Variants in PCSK1 observed in about 807,000 individuals in gnomAD.
PCSK1 encodes proprotein convertase subtilisin/kexin type 1.
Under a neutral mutation model 90.6 loss-of-function variants are expected in PCSK1, and 56 were observed. The ratio of observed to expected loss-of-function variants is 0.62; its 90% CI spans 0.50 to 0.77. The LOEUF is 0.77. PCSK1 is among the 30% of genes least tolerant of loss of function. The probability of loss-of-function intolerance (pLI) is 0.00; values close to 1 mark genes in which losing one functional copy is unlikely to be tolerated. For missense variants in PCSK1, 801 were observed against 932.6 expected (o/e 0.86, Z 1.84); for synonymous variants, 348 against 342.4 (o/e 1.02, Z -0.18).
intron 5 of PCSK1, among the ~76,000 whole-genome samples, chr5:96,417,461 C>G (rs1244018750): frequency 2.0e-5 from 3 of 151,958 alleles, no homozygotes; most frequent in Admixed American, 6.6e-5. Context: ...TCCTCTCAGA[C>G]AACTTTCAAG....
intron 5 of PCSK1, among the ~76,000 whole-genome samples, chr5:96,418,241 C>T (rs960801747): frequency 2.0e-5 from 3 of 152,086 alleles, no homozygotes; most frequent in Non-Finnish European, 2.9e-5. Flanking sequence ...CTTTATAGGC[C>T]GCAGCTCTTT....
At chr5:96,412,764 T>TTG (rs1221205423) in intron 6 of PCSK1, among the ~76,000 whole-genome samples, 2 of 145,590 alleles carry the variant, frequency 1.4e-5, no homozygotes, top group African/African-American at 5.4e-5. Flanking sequence ...TTTTTTTTTT[T>TTG]TTTTTTTTTT....
intron 6 of PCSK1, among the ~76,000 whole-genome samples, chr5:96,413,171 C>T (rs1278902203): frequency 6.6e-6 from 1 of 152,186 alleles, no homozygotes; most frequent in Non-Finnish European, 1.5e-5. Context: ...AACATGCTTC[C>T]TATTCTTCTA....
chr5:96,412,731 C>CACTGTGTA (rs1218646812), intron 6 of PCSK1, among the ~76,000 whole-genome samples: 1 of 139,684 alleles, frequency 7.2e-6, no homozygotes, highest in African/African-American at 3.0e-5. Flanking sequence ...CAATACCATG[C>CACTGTGTA]ACTGTGTAGG....
intron 6 of PCSK1, among the ~76,000 whole-genome samples, chr5:96,413,963 C>CAAAAAAAAAAA (rs61316405): frequency 4.5e-5 from 1 of 22,436 alleles, no homozygotes; most frequent in Non-Finnish European, 1.3e-4. Context: ...ACTAAAAATA[C>CAAAAAAAAAAA]AAAAAAAAAA....
At chr5:96,397,836 C>A (rs1760212089) in intron 11 of PCSK1, among the ~76,000 whole-genome samples, 1 of 152,006 alleles carries the variant, frequency 6.6e-6, no homozygotes, top group South Asian at 2.1e-4. Flanking sequence ...ATGAAACTAT[C>A]ATTTCTGAAG....
chr5:96,402,015 A>T (rs540448143), intron 9 of PCSK1, among the ~76,000 whole-genome samples: 1 of 152,202 alleles, frequency 6.6e-6, no homozygotes, highest in Admixed American at 6.5e-5. Flanking sequence ...GCATTATGTA[A>T]TAAGTAGATG....
At position 96,423,439 on chromosome 5, in the gene PCSK1, T is replaced by C. The variant is rs2112440584; in HGVS notation, c.417A>G (p.Ala139=). Residue 139 remains alanine (A), a synonymous_variant, in exon 4 of 14, where the codon GCA becomes GCG. Transcript: ENST00000311106. The part of the protein sequence containing the change: ...QWYLQDTRMT[A]ALPKLDLHVI... ...CATGAAGGTCCAGCTTGGGCAGGGC[T>C]GCCGTCATCCTGGTATCTTGCTGGT... is the stretch of plus-strand genomic sequence containing the variant. 6.2e-7 allele frequency: 1 copy of C among 1,614,132 alleles called. No individual in the cohort carries two copies. Among genetic ancestry groups the C allele is most frequent in the East Asian group, 2.2e-5 (1 of 44,886 alleles).
chr5:96,425,337 C>T (rs531777052), intron 3 of PCSK1, among the ~76,000 whole-genome samples: 129 of 152,328 alleles, frequency 8.5e-4, no homozygotes, highest in African/African-American at 3.0e-3. Flanking sequence ...CAAGTCTAGA[C>T]ATTTGCAATA....
Position 96,410,862 on chromosome 5 carries a change from T to C in PCSK1, c.1007A>G (p.Gln336Arg). 6.2e-7 allele frequency: 1 copy of C among 1,614,116 alleles called. No homozygotes were observed. The highest frequency in any genetic ancestry group is 8.5e-7 in the Non-Finnish European group (1 of 1,179,964). ...AGCGTACCAGGGGGATAGGCCTTGCTGGGAGGCACTGCTGATGGAGATGGT... is the reference window on the plus strand; with the variant it reads ...AGCGTACCAGGGGGATAGGCCTTGCCGGGAGGCACTGCTGATGGAGATGGT... ...IYTISISSAS[Q>R]QGLSPWYAEK... The change falls in exon 8 of 14, where the codon CAG (glutamine) becomes CGG (arginine). Residue 336 changes from glutamine (Q) to arginine (R), a missense_variant. Gln to Arg is a conservative substitution (Grantham distance 43). Coordinates refer to ENST00000311106, the MANE Select transcript of PCSK1 (RefSeq NM_000439.5).
At chr5:96,404,538 A>T (rs1760491599) in intron 9 of PCSK1, among the ~76,000 whole-genome samples, 2 of 152,152 alleles carry the variant, frequency 1.3e-5, no homozygotes, top group Non-Finnish European at 2.9e-5. Context: ...GCTATATAAC[A>T]TTTAACACAG....
At position 96,412,448 on chromosome 5, in the gene PCSK1, G is replaced by A; in HGVS notation, c.752C>T (p.Ala251Val). 1.9e-6 allele frequency: 3 copies of A among 1,613,894 alleles called. No individual in the cohort carries two copies. The highest frequency in any genetic ancestry group is 2.2e-5 in the East Asian group (1 of 44,884). Residue 251 changes from alanine to valine, a missense_variant, in exon 7 of 14, where the codon GCC (alanine) becomes GTC (valine). Ala to Val is a moderately conservative substitution (Grantham distance 64). Coordinates refer to ENST00000311106, the MANE Select transcript of PCSK1 (RefSeq NM_000439.5). ...TCCAGGATTGAATCCAATTGAACTGGCCTCAATAGCATCCGTCACAATGCC... is the reference window on the plus strand; with the variant it reads ...TCCAGGATTGAATCCAATTGAACTGACCTCAATAGCATCCGTCACAATGCC... ...LDGIVTDAIE[A>V]SSIGFNPGHV...
chr5:96,393,142 C>G lies in PCSK1; in HGVS notation c.2121G>C (p.Leu707=), dbSNP rs760254601. The change falls in exon 14 of 14, where the codon CTG becomes CTC. Residue 707 remains leucine (L), a synonymous_variant. Transcript: ENST00000311106. ...YENFYEALEK[L]NKPSQLKDSE... is the part of the protein sequence containing the mutation. Reference sequence around the variant, plus strand: ...AGTCTTTAAGCTGGGAAGGTTTGTTCAGCTTTTCCAGGGCTTCGTAGAAGT... The same window carrying G: ...AGTCTTTAAGCTGGGAAGGTTTGTTGAGCTTTTCCAGGGCTTCGTAGAAGT... 2.5e-6 allele frequency: 4 copies of G among 1,614,136 alleles called. No individual in the cohort carries two copies. In the Admixed American group the frequency reaches 6.7e-5, roughly 27 times the overall value.
intron 1 of PCSK1, 139 bp downstream of exon 1, chr5:96,432,724 G>C: frequency 2.9e-6 from 2 of 693,264 alleles, no homozygotes; most frequent in Non-Finnish European, 5.1e-6. Context: ...CGACAGGGGC[G>C]AGGGCTGGAG....
rs1760784303 is a variant in PCSK1 at position 96,412,383 on chromosome 5, C to G, written c.817G>C (p.Asp273His). 6.2e-7 allele frequency: 1 copy of G among 1,614,042 alleles called. No individual in the cohort carries two copies. Among genetic ancestry groups the G allele is most frequent in the Admixed American group, 1.7e-5 (1 of 59,998 alleles). ...IYSASWGPND[D>H]GKTVEGPGRL... ...CCAGGCCCCTCCACAGTTTTCCCAT[C>G]ATCATTAGGGCCCCAGCTTGCACTG... Residue 273 changes from aspartate to histidine, a missense_variant, in exon 7 of 14, where the codon GAT (aspartate) becomes CAT (histidine). Asp to His is a moderately conservative substitution (Grantham distance 81). Coordinates refer to ENST00000311106, the MANE Select transcript of PCSK1 (RefSeq NM_000439.5).
intron 1 of PCSK1, among the ~76,000 whole-genome samples, chr5:96,431,772 C>A (rs1040125034): frequency 7.2e-5 from 11 of 152,150 alleles, no homozygotes; most frequent in African/African-American, 2.7e-4. Context: ...ATTACTCATC[C>A]GTGACTCCAG....
rs1434467255 is a variant in PCSK1 at position 96,425,827 on chromosome 5, C to G, written c.389G>C (p.Trp130Ser). The stretch of plus-strand genomic sequence containing the variant: ...CCTTCTGTAGGTACTTACCAAGTAC[C>G]ATTGCTGATTCCACATGGGATCATT... ...LFNDPMWNQQ[W>S]YLQDTRMTAA... The change falls in exon 3 of 14, where the codon TGG becomes TCG. Residue 130 changes from tryptophan (W) to serine (S), a missense_variant. By Grantham distance (177) the Trp-to-Ser change is radical. Coordinates refer to ENST00000311106, the MANE Select transcript of PCSK1 (RefSeq NM_000439.5). The G allele has an allele frequency of 1.3e-6, 2 of 1,564,580 alleles. No homozygotes were observed. Among genetic ancestry groups the G allele is most frequent in the South Asian group, 1.1e-5 (1 of 90,084 alleles).
intron 1 of PCSK1, among the ~76,000 whole-genome samples, chr5:96,432,508 G>C (rs1230171729): frequency 6.6e-6 from 1 of 152,216 alleles, no homozygotes; most frequent in African/African-American, 2.4e-5. Context: ...TTCTCCCGGG[G>C]GCGCTTGGTT....
intron 5 of PCSK1, among the ~76,000 whole-genome samples, chr5:96,421,401 C>CT (rs11434237): frequency 0.71 from 108,143 of 152,156 alleles, 39,526 homozygotes; most frequent in African/African-American, 0.89. Flanking sequence ...AGGCATTTCT[C>CT]TGTCTGGAGT....
Sources: gnomAD v4.1 joint callset for allele counts (sites outside exome capture counted in the v4.1 genomes callset) on GRCh38, gnomAD v4.1.1 for gene constraint, MANE v1.5 for transcripts, NCBI Gene and HGNC (gene_info 2026-07-23, HGNC 2026-07-21) for gene names.